The following AP1S1 variants were observed in gnomAD, a reference collection of about 807,000 sequenced individuals.
The protein encoded by AP1S1 is AP-1 complex subunit sigma-1A.
In AP1S1, 13 loss-of-function variants were observed where a neutral mutation model predicts 23.9. The observed-to-expected ratio is 0.54, with a 90% CI of 0.35 to 0.86. AP1S1 has a LOEUF of 0.86. AP1S1 is among the 40% of genes least tolerant of loss of function. The probability of loss-of-function intolerance (pLI) is 0.01; values close to 1 mark genes in which losing one functional copy is unlikely to be tolerated. For synonymous variants in AP1S1, 84 were observed against 77.7 expected (o/e 1.08, Z -0.43); for missense variants, 119 against 197.6 (o/e 0.60, Z 2.38).
chr7:101,159,982 G>GCACA (rs371717767), intron 4 of AP1S1, among the ~76,000 whole-genome samples: 20 of 59,884 alleles, frequency 3.3e-4, no homozygotes, highest in Admixed American at 6.3e-4. Context: ...ACACACCCTG[G>GCACA]CGCGCACACA....
chr7:101,159,736 C>T (rs915392361), intron 4 of AP1S1, among the ~76,000 whole-genome samples: 5 of 151,766 alleles, frequency 3.3e-5, no homozygotes, highest in African/African-American at 7.3e-5. Context: ...TGCTCCCCAG[C>T]GCCCCCGCCC....
chr7:101,160,471 G>A (rs771888630), intron 4 of AP1S1, 48 bp from the exon 5 acceptor site: 4 of 1,601,778 alleles, frequency 2.5e-6, no homozygotes, highest in Non-Finnish European at 3.4e-6. Context: ...CCACCCTGTC[G>A]GCCTCTCCTG....
Position 101,159,159 on chromosome 7 carries a change from T to G in AP1S1, c.392T>G (p.Val131Gly), listed in dbSNP as rs755388119. The change falls in exon 4 of 5, where the codon GTG becomes GGG. Residue 131 changes from valine to glycine, a missense_variant. Transcript: ENST00000337619. ...GDVQDTSKKSVLKAIEQADLL... is the reference protein window; with the variant it reads ...GDVQDTSKKSGLKAIEQADLL... ...GTCCAGGACACCTCCAAGAAGAGTGTGCTGAAAGCCATCGAGCAGGCTGAC... is the reference window on the plus strand; with the variant it reads ...GTCCAGGACACCTCCAAGAAGAGTGGGCTGAAAGCCATCGAGCAGGCTGAC... 6.2e-7 allele frequency: 1 copy of G among 1,613,552 alleles called. No individual in the cohort carries two copies. Among genetic ancestry groups the G allele is most frequent in the South Asian group, 1.1e-5 (1 of 91,034 alleles).
intron 4 of AP1S1, 117 bp from the exon 5 acceptor site, chr7:101,160,401 TC>T (rs1797077307): frequency 7.2e-6 from 9 of 1,250,208 alleles, no homozygotes; most frequent in Non-Finnish European, 8.0e-6. Flanking sequence ...TTGGCTTCTC[TC>T]CCCCTCCCCC....
At chr7:101,154,606 C>A (rs767585511) in intron 1 of AP1S1, 89 bp downstream of exon 1, 282 of 1,513,936 alleles carry the variant, frequency 1.9e-4, no homozygotes, top group Non-Finnish European at 6.2e-6. Flanking sequence ...CGGGGTGAAC[C>A]GCCCTGTCTT....
Position 101,161,017 on chromosome 7 carries a change from A to C in AP1S1, c.*451A>C. ...TTCTCTGCCTGGGAGGGGAGCCTGG[A>C]CCCCCCTCTTTCTCCTTGGCTGCAG... On this transcript the variant is annotated 3_prime_UTR_variant, in exon 5 of 5. Transcript: ENST00000337619. 1.5e-5 allele frequency: 5 copies of C among 330,088 alleles called. No homozygotes were observed. The highest frequency in any genetic ancestry group is 4.8e-5 in the South Asian group (2 of 41,628). 20.4% of individuals were successfully genotyped at this position (330,088 alleles called of 1,614,324 possible).
intron 4 of AP1S1, 69 bp downstream of exon 4, chr7:101,159,265 A>ACACCCGGCCTGCCCTGCC (rs1452621139): frequency 5.0e-5 from 77 of 1,544,294 alleles, no homozygotes; most frequent in Non-Finnish European, 6.5e-5. Context: ...CCTCCCCTGG[A>ACACCCGGCCTGCCCTGCC]CACCCGGCCT....
chr7:101,158,727 C>G (rs1409081853), intron 3 of AP1S1, among the ~76,000 whole-genome samples: 2 of 152,082 alleles, frequency 1.3e-5, no homozygotes, highest in Non-Finnish European at 2.9e-5. Context: ...CATGGCAAGA[C>G]CCTATCTCTA....
At chr7:101,159,986 G>GCACACACACA (rs914455706) in intron 4 of AP1S1, among the ~76,000 whole-genome samples, 4 of 144,394 alleles carry the variant, frequency 2.8e-5, no homozygotes, top group African/African-American at 7.6e-5. Flanking sequence ...ACCCTGGCGC[G>GCACACACACA]CACACACACA....
chr7:101,155,646 T>C (rs1398279266), intron 1 of AP1S1, among the ~76,000 whole-genome samples: 3 of 152,194 alleles, frequency 2.0e-5, no homozygotes, highest in Admixed American at 6.5e-5. Flanking sequence ...CTGTGTGGTG[T>C]TGGAGATACA....
Position 101,157,425 on chromosome 7 carries a change from G to A in AP1S1, c.231G>A (p.Glu77=). 3 of 1,583,096 alleles carry A rather than the reference G, an allele frequency of 1.9e-6. No homozygotes were observed. The highest frequency in any genetic ancestry group is 2.3e-5 in the East Asian group (1 of 43,266). ...GCGCCATCGAGGGCCAAGACAATGA[G>A]CTCATCACACTGGAGCTGATCCACC... ...FCCAIEGQDN[E]LITLELIHRY... Residue 77 remains glutamate, a synonymous_variant, in exon 3 of 5, where the codon GAG becomes GAA. Transcript: ENST00000337619.
At chr7:101,160,175 C>G (rs1314870115) in intron 4 of AP1S1, among the ~76,000 whole-genome samples, 1 of 151,778 alleles carries the variant, frequency 6.6e-6, no homozygotes, top group Non-Finnish European at 1.5e-5. Flanking sequence ...CCCAGGGCCC[C>G]AGAAAGATCC....
chr7:101,160,673 T>C lies in AP1S1; in HGVS notation c.*107T>C, dbSNP rs1797085948. Reference sequence around the variant, plus strand: ...CTTGGTGGGACTCGGCTGCCCCTCCTCTGCTGCCTCACCTTTCGGAGTGAG... The same window carrying C: ...CTTGGTGGGACTCGGCTGCCCCTCCCCTGCTGCCTCACCTTTCGGAGTGAG... On this transcript the variant is annotated 3_prime_UTR_variant, in exon 5 of 5. Coordinates refer to ENST00000337619, the MANE Select transcript of AP1S1 (RefSeq NM_001283.5). 1 of 1,316,626 alleles carries C rather than the reference T, an allele frequency of 7.6e-7. No homozygotes were observed. Among genetic ancestry groups the C allele is most frequent in the Admixed American group, 1.8e-5 (1 of 56,150 alleles). 81.6% of individuals were successfully genotyped at this position (1,316,626 alleles called of 1,614,324 possible). A position where few individuals can be genotyped will look rare whatever the true frequency, so the allele number is the denominator to read the frequency against.
chr7:101,156,910 C>CTT, intron 2 of AP1S1, 138 bp downstream of exon 2: 1 of 586,074 alleles, frequency 1.7e-6, no homozygotes, highest in South Asian at 5.3e-5. Context: ...ATGTCAGCTT[C>CTT]CTTTTTTTTT....
intron 2 of AP1S1, among the ~76,000 whole-genome samples, chr7:101,157,120 A>G (rs533937808): frequency 3.3e-5 from 5 of 152,238 alleles, no homozygotes; most frequent in Admixed American, 1.3e-4. Flanking sequence ...TCCTCGGAGC[A>G]GGTAAATTAC....
At chr7:101,159,423 C>T (rs1168155041) in intron 4 of AP1S1, 1 of 557,638 alleles carries the variant, frequency 1.8e-6, no homozygotes, top group African/African-American at 1.9e-5. Context: ...TCATTCCAAG[C>T]TCTGTCCTTC....
intron 4 of AP1S1, 134 bp from the exon 5 acceptor site, chr7:101,160,385 C>T (rs1797076937): frequency 2.8e-6 from 3 of 1,086,500 alleles, no homozygotes; most frequent in Middle Eastern, 2.0e-4. Context: ...CGGCCTTGGG[C>T]TCACATTGGC....
At chr7:101,158,867 C>T (rs1281882716) in intron 3 of AP1S1, among the ~76,000 whole-genome samples, 192 bp from the exon 4 acceptor site, 1 of 152,184 alleles carries the variant, frequency 6.6e-6, no homozygotes, top group Non-Finnish European at 1.5e-5. Flanking sequence ...CATGCCACTG[C>T]ACTGCAGCCT....
At position 101,161,148 on chromosome 7, in the gene AP1S1, C is replaced by A; in HGVS notation, c.*582C>A. The A allele has an allele frequency of 3.9e-6, 1 of 258,670 alleles. No homozygotes were observed. The highest frequency in any genetic ancestry group is 7.5e-6 in the Non-Finnish European group (1 of 132,496). The allele number at this position is 258,670 out of a possible 1,614,324, so 16.0% of individuals were successfully genotyped here. A position where few individuals can be genotyped will look rare whatever the true frequency, so the allele number is the denominator to read the frequency against. On this transcript the variant is annotated 3_prime_UTR_variant, in exon 5 of 5. Coordinates refer to ENST00000337619, the MANE Select transcript of AP1S1 (RefSeq NM_001283.5). ...GGGGGAAGGGCAAGCTTTATGGGAC[C>A]CTGGTCCTGGCCCTGGCCTTTCACT...
Sources: gnomAD v4.1 joint callset for allele counts (sites outside exome capture counted in the v4.1 genomes callset) on GRCh38, gnomAD v4.1.1 for gene constraint, MANE v1.5 for transcripts, NCBI Gene and HGNC (gene_info 2026-07-23, HGNC 2026-07-21) for gene names.